Variants in MGST1 observed in about 807,000 individuals in gnomAD.
MGST1 encodes the protein glutathione S-transferase 12.
A neutral mutation model predicts 8.9 loss-of-function variants in MGST1; 5 were observed. The ratio of observed to expected loss-of-function variants is 0.56; its 90% CI spans 0.29 to 1.19. MGST1 has a LOEUF of 1.19. MGST1 is among the 50% of genes most tolerant of loss of function. MGST1 has a pLI of 0.08. For synonymous variants in MGST1, 54 were observed against 67.8 expected (o/e 0.80, Z 1.00); for missense variants, 182 against 187.4 (o/e 0.97, Z 0.17).
chr12:16,368,202 A>G (rs577822618), downstream of MGST1, among the ~76,000 whole-genome samples: 2 of 152,322 alleles, frequency 1.3e-5, no homozygotes, highest in African/African-American at 2.4e-5. Context: ...GGAGAAGGGC[A>G]TGGAGTTTCG....
In MGST1 at chr12:16,357,682, A is replaced by G. The variant is rs544194131; in HGVS notation, c.204A>G (p.Arg68=). The G allele has an allele frequency of 5.6e-6, 9 of 1,613,648 alleles. No homozygotes were observed. In the East Asian group the frequency reaches 2.0e-4, roughly 36 times the overall value. ...NAKKYLRTDD[R]VERVRRAHLN... ...AGAAGTATCTTCGAACAGATGACAGAGTAGAACGTGTACGCAGGTAAACCA... is the reference window on the plus strand; with the variant it reads ...AGAAGTATCTTCGAACAGATGACAGGGTAGAACGTGTACGCAGGTAAACCA... The change falls in exon 3 of 4, where the codon AGA becomes AGG. Residue 68 remains arginine, a synonymous_variant. Transcript: ENST00000396210.
At chr12:16,357,105 A>G (rs1020758908) in intron 2 of MGST1, among the ~76,000 whole-genome samples, 1 of 152,012 alleles carries the variant, frequency 6.6e-6, no homozygotes, top group Non-Finnish European at 1.5e-5. Flanking sequence ...ACAACTTTGC[A>G]TTGTTAATAA....
Position 16,509,713 on chromosome 12 carries a change from G to A in MGST1, n.483-79815G>A, listed in dbSNP as rs189688889. 3.3e-5 allele frequency among the ~76,000 whole-genome samples: 5 copies of A among 152,236 alleles called. No individual in the cohort carries two copies. The East Asian group carries it at 9.6e-4, about 29-fold the overall frequency. ...TGTTTATAGGAGCATGTAGTCTTCCGGAGTCAGTTTTGTCAACTATGTTGG... is the reference window on the plus strand; with the variant it reads ...TGTTTATAGGAGCATGTAGTCTTCCAGAGTCAGTTTTGTCAACTATGTTGG... On this transcript the variant is annotated intron_variant and non_coding_transcript_variant, in intron 4 of 4. Coordinates refer to the MGST1 transcript ENST00000538857.
chr12:16,351,304 G>T (rs1222330061), intron 1 of MGST1, among the ~76,000 whole-genome samples: 1 of 145,558 alleles, frequency 6.9e-6, no homozygotes, highest in African/African-American at 2.5e-5. Context: ...GTTTATTCAT[G>T]ACTTTCACCC....
intron 4 of MGST1, among the ~76,000 whole-genome samples, chr12:16,569,295 C>T (rs1942727603): frequency 6.6e-6 from 1 of 152,142 alleles, no homozygotes; most frequent in Non-Finnish European, 1.5e-5. Context: ...CACTATACTT[C>T]TTTGTTTTTC....
rs1033701556 is a variant in MGST1 at position 16,347,715 on chromosome 12, G to C, written c.-23+5G>C. On this transcript the variant is annotated splice_donor_5th_base_variant and intron_variant, in intron 1 of 3. Transcript: ENST00000396210. This position sits in a 1 kb window ranked among gnomAD's most constrained non-coding sequence, Gnocchi z 4.0. ...TTCCTCCTCCTCGGCCTCACCGTGC[G>C]TACTGGGAGGGGAGAAGGGGACCGC... 2.6e-5 allele frequency: 4 copies of C among 152,504 alleles called. No individual in the cohort carries two copies. Among genetic ancestry groups the C allele is most frequent in the African/African-American group, 7.2e-5 (3 of 41,430 alleles). The allele number at this position is 152,504 out of a possible 1,614,324, so 9.4% of individuals were successfully genotyped here. A position where few individuals can be genotyped will look rare whatever the true frequency, so the allele number is the denominator to read the frequency against.
At position 16,401,937 on chromosome 12, in the gene MGST1, A is replaced by G. The variant is rs1472911465; in HGVS notation, n.778+18333A>G. Reference sequence around the variant, plus strand: ...ATATGCCACAACTGCACTGATATCTATTTTGTCAAAGCCTTCTTTGTTGAG... The same window carrying G: ...ATATGCCACAACTGCACTGATATCTGTTTTGTCAAAGCCTTCTTTGTTGAG... On this transcript the variant is annotated intron_variant and non_coding_transcript_variant, in intron 1 of 1. Transcript: ENST00000359720. This position sits in a 1 kb window ranked among gnomAD's most constrained non-coding sequence, Gnocchi z 4.3. The G allele has an allele frequency of 6.2e-5, 100 of 1,611,196 alleles. No individual in the cohort carries two copies. Among genetic ancestry groups the G allele is most frequent in the Non-Finnish European group, 8.0e-5 (94 of 1,177,538 alleles).
rs962268804 is a variant in MGST1 at position 16,576,739 on chromosome 12, C to T, written n.483-12789C>T. ...ATGGAAATTAACATTCTTGCATTGT[C>T]CAACTATATAGACTGCATACAGGGA... On this transcript the variant is annotated intron_variant and non_coding_transcript_variant, in intron 4 of 4. Transcript: ENST00000538857. This position sits in a 1 kb window ranked among gnomAD's most constrained non-coding sequence, Gnocchi z 4.1. Among the ~76,000 whole-genome samples the T allele has an allele frequency of 7.9e-5, 12 of 152,100 alleles. No individual in the cohort carries two copies. The highest frequency in any genetic ancestry group is 1.2e-4 in the Non-Finnish European group (8 of 68,012).
intron 1 of MGST1, among the ~76,000 whole-genome samples, chr12:16,415,593 A>G (rs1463568021): frequency 6.6e-6 from 1 of 152,208 alleles, no homozygotes; most frequent in Non-Finnish European, 1.5e-5. Flanking sequence ...TGAATTTATT[A>G]ATAACATTTT....
chr12:16,452,130 T>G (rs568544476), intron 4 of MGST1, among the ~76,000 whole-genome samples: 1 of 151,952 alleles, frequency 6.6e-6, no homozygotes, highest in East Asian at 1.9e-4. Context: ...ACAGAGGAAC[T>G]AAACGTGGGC....
intron 4 of MGST1, among the ~76,000 whole-genome samples, chr12:16,451,583 GA>G (rs1235392240): frequency 6.6e-6 from 1 of 151,588 alleles, no homozygotes; most frequent in African/African-American, 2.4e-5. Flanking sequence ...ACAGTTATAT[GA>G]ATTTTTTAAA....
chr12:16,391,707 G>C (rs187148307), intron 1 of MGST1, among the ~76,000 whole-genome samples: 6 of 152,172 alleles, frequency 3.9e-5, no homozygotes, highest in African/African-American at 1.4e-4. Context: ...TGTTTACTCA[G>C]TTGATAGTTT....
At chr12:16,399,514 A>T in intron 1 of MGST1, 1 of 1,558,022 alleles carries the variant, frequency 6.4e-7, no homozygotes, top group Admixed American at 1.7e-5. Flanking sequence ...GAAGAGTCTG[A>T]CTCTTCTGCT....
At position 16,576,611 on chromosome 12, in the gene MGST1, A is replaced by AT. The variant is rs1943003797; in HGVS notation, n.483-12916dup. The stretch of plus-strand genomic sequence containing the variant: ...TACCTGTTTGTCTCTTTCTCACTAC[A>AT]TAATAAGCTCCCTGAAAACTTGCCT... On this transcript the variant is annotated intron_variant and non_coding_transcript_variant, in intron 4 of 4. Coordinates refer to the MGST1 transcript ENST00000538857. This position sits in a 1 kb window ranked among gnomAD's most constrained non-coding sequence, Gnocchi z 4.1. 2.0e-5 allele frequency among the ~76,000 whole-genome samples: 3 copies of AT among 152,300 alleles called. No homozygotes were observed. In the South Asian group the frequency reaches 6.2e-4, roughly 32 times the overall value.
chr12:16,424,869 G>C (rs922810628), intron 1 of MGST1, among the ~76,000 whole-genome samples: 4 of 152,112 alleles, frequency 2.6e-5, no homozygotes, highest in Non-Finnish European at 5.9e-5. Context: ...TACAGATCAA[G>C]TCTGTATGAA....
chr12:16,587,676 C>T lies in MGST1; in HGVS notation n.483-1852C>T, dbSNP rs1943363015. ...CTGGTCTGTCAGGAGTGCATTTTAA[C>T]AGCACGACACAAGTATTTTTCACTA... is the stretch of plus-strand genomic sequence containing the variant. On this transcript the variant is annotated intron_variant and non_coding_transcript_variant, in intron 4 of 4. Coordinates refer to the MGST1 transcript ENST00000538857. This position sits in a 1 kb window ranked among gnomAD's most constrained non-coding sequence, Gnocchi z 4.3. 6.6e-6 allele frequency among the ~76,000 whole-genome samples: 1 copy of T among 152,056 alleles called. No homozygotes were observed. Among genetic ancestry groups the T allele is most frequent in the Non-Finnish European group, 1.5e-5 (1 of 67,992 alleles).
At chr12:16,487,201 C>T (rs1399568753) in intron 4 of MGST1, among the ~76,000 whole-genome samples, 2 of 152,154 alleles carry the variant, frequency 1.3e-5, no homozygotes, top group Non-Finnish European at 2.9e-5. Flanking sequence ...CCTCTCTAGA[C>T]GTTCCCTTCC....
At chr12:16,368,164 T>C (rs1186235584), downstream of MGST1, among the ~76,000 whole-genome samples, 1 of 152,160 alleles carries the variant, frequency 6.6e-6, no homozygotes, top group Non-Finnish European at 1.5e-5. Context: ...TCAATGATTC[T>C]AAGGCCAGAA....
intron 4 of MGST1, among the ~76,000 whole-genome samples, chr12:16,493,166 G>A (rs1305208878): frequency 6.6e-6 from 1 of 152,172 alleles, no homozygotes; most frequent in Non-Finnish European, 1.5e-5. Context: ...GTGGAACAGA[G>A]AGTAAATCTG....
Sources: allele counts gnomAD v4.1 joint callset (sites outside exome capture counted in the v4.1 genomes callset), GRCh38; gene constraint gnomAD v4.1.1; non-coding constraint Gnocchi (gnomAD v3.1); transcripts MANE v1.5; gene names NCBI Gene and HGNC (gene_info 2026-07-23, HGNC 2026-07-21).